Variants in PELI2 observed in about 807,000 individuals in gnomAD.
PELI2 encodes E3 ubiquitin-protein ligase pellino homolog 2.
In PELI2, 23 loss-of-function variants were observed where a neutral mutation model predicts 42.3. That is an observed-to-expected ratio of 0.54 (90% CI 0.39 to 0.77). The LOEUF is 0.77. Among genes scored for constraint, PELI2 ranks in the 30% least tolerant of loss-of-function variants. PELI2 has a pLI of 0.00. For synonymous variants in PELI2, 245 were observed against 212.2 expected, an observed-to-expected ratio of 1.15 and a Z score of -1.34; for missense variants, 463 against 553.2, an observed-to-expected ratio of 0.84 and a Z score of 1.64.
At chr14:56,150,893 C>G (rs1018362763) in intron 1 of PELI2, among the ~76,000 whole-genome samples, 1 of 152,108 alleles carries the variant, frequency 6.6e-6, no homozygotes, top group Non-Finnish European at 1.5e-5. Flanking sequence ...AGTGGCTGGA[C>G]CAGGTGATGC....
intron 2 of PELI2, among the ~76,000 whole-genome samples, chr14:56,270,868 A>T (rs3430): frequency 6.6e-6 from 1 of 152,302 alleles, no homozygotes; most frequent in East Asian, 1.9e-4. Context: ...TCAGCATCAG[A>T]GTCCACTAGC....
intron 2 of PELI2, among the ~76,000 whole-genome samples, chr14:56,239,243 T>A (rs1887894532): frequency 6.6e-6 from 1 of 152,154 alleles, no homozygotes; most frequent in Non-Finnish European, 1.5e-5. Context: ...CCTTTGTGAG[T>A]TTTAAATAGT....
intron 2 of PELI2, among the ~76,000 whole-genome samples, chr14:56,255,175 A>G (rs1456697651): frequency 6.6e-6 from 1 of 152,244 alleles, no homozygotes; most frequent in Non-Finnish European, 1.5e-5. Context: ...TACTATAAAG[A>G]CACATGCACA....
intron 1 of PELI2, among the ~76,000 whole-genome samples, chr14:56,126,321 CAG>C (rs905481463): frequency 1.1e-4 from 17 of 152,188 alleles, no homozygotes; most frequent in Admixed American, 3.9e-4. Flanking sequence ...AAATATGCAT[CAG>C]GGGGCATTTT....
At chr14:56,182,959 G>A (rs753224964) in intron 2 of PELI2, among the ~76,000 whole-genome samples, 4 of 152,102 alleles carry the variant, frequency 2.6e-5, no homozygotes, top group Non-Finnish European at 4.4e-5. Context: ...TGGAGCTGGG[G>A]CCTCGGTGCT....
intron 1 of PELI2, among the ~76,000 whole-genome samples, chr14:56,152,571 T>C (rs1434464845): frequency 6.6e-6 from 1 of 152,174 alleles, no homozygotes; most frequent in Non-Finnish European, 1.5e-5. Context: ...CCAGGAACTT[T>C]TAAGCTCTAA....
intron 2 of PELI2, among the ~76,000 whole-genome samples, chr14:56,236,168 A>T (rs1055674529): frequency 6.6e-6 from 1 of 152,230 alleles, no homozygotes; most frequent in Non-Finnish European, 1.5e-5. Context: ...TAAATTGACC[A>T]CTTTTAATTA....
intron 2 of PELI2, among the ~76,000 whole-genome samples, chr14:56,263,977 T>C (rs1199710375): frequency 6.6e-6 from 1 of 152,198 alleles, no homozygotes; most frequent in Non-Finnish European, 1.5e-5. Flanking sequence ...TAAAACACAG[T>C]TGATGCTCAT....
intron 1 of PELI2, among the ~76,000 whole-genome samples, chr14:56,124,595 A>G (rs1271704446): frequency 6.6e-6 from 1 of 152,222 alleles, no homozygotes; most frequent in South Asian, 2.1e-4. Context: ...AGCATCTGCC[A>G]CTTGTCAGAT....
chr14:56,216,272 T>A (rs1886902861), intron 2 of PELI2, among the ~76,000 whole-genome samples: 1 of 152,236 alleles, frequency 6.6e-6, no homozygotes, highest in African/African-American at 2.4e-5. Flanking sequence ...TGTGTGATTG[T>A]AGTGTTATTT....
chr14:56,234,205 G>T (rs529619503), intron 2 of PELI2, among the ~76,000 whole-genome samples: 2 of 152,270 alleles, frequency 1.3e-5, no homozygotes, highest in African/African-American at 4.8e-5. Context: ...ATTCCTCAAG[G>T]ATCTAGAACT....
chr14:56,168,785 C>G (rs1885062310), intron 1 of PELI2, among the ~76,000 whole-genome samples: 1 of 152,110 alleles, frequency 6.6e-6, no homozygotes, highest in African/African-American at 2.4e-5. Flanking sequence ...TGCTGAGTCT[C>G]AACAGAAGCC....
At chr14:56,231,521 C>A (rs949085467) in intron 2 of PELI2, among the ~76,000 whole-genome samples, 59 of 152,198 alleles carry the variant, frequency 3.9e-4, no homozygotes, top group Admixed American at 1.8e-3. Context: ...GGGTACATAA[C>A]GAAATGAAGG....
At chr14:56,202,502 T>TG (rs34740620) in intron 2 of PELI2, among the ~76,000 whole-genome samples, 61,940 of 151,658 alleles carry the variant, frequency 0.41, 13,176 homozygotes, top group South Asian at 0.53. Context: ...TCGCTACACT[T>TG]GAGCCTGCTC....
chr14:56,258,951 A>C (rs879882017), intron 2 of PELI2, among the ~76,000 whole-genome samples: 10 of 152,090 alleles, frequency 6.6e-5, no homozygotes, highest in Non-Finnish European at 1.3e-4. Flanking sequence ...GAAAATCTCA[A>C]AATCATCCAA....
intron 2 of PELI2, among the ~76,000 whole-genome samples, chr14:56,229,406 G>A (rs1356131239): frequency 2.0e-5 from 3 of 152,206 alleles, no homozygotes; most frequent in Non-Finnish European, 4.4e-5. Context: ...CCAGAGGAAG[G>A]ATCAGGCAGC....
At chr14:56,145,868 C>G (rs1038523327) in intron 1 of PELI2, among the ~76,000 whole-genome samples, 1 of 152,188 alleles carries the variant, frequency 6.6e-6, no homozygotes. Flanking sequence ...TGTTGACTTA[C>G]ATTACTTTTG....
intron 1 of PELI2, among the ~76,000 whole-genome samples, chr14:56,171,475 G>A (rs1232509943): frequency 6.6e-6 from 1 of 152,124 alleles, no homozygotes; most frequent in Non-Finnish European, 1.5e-5. Flanking sequence ...TGAGTCTCAG[G>A]TATTCTGTTA....
Position 56,242,953 on chromosome 14 carries a change from G to A in PELI2, c.208-36723G>A, listed in dbSNP as rs186605677. Reference sequence around the variant, plus strand: ...CACAATCCCAGAAATTACCACTAAAGAGCTTTCCATGTAACCAAACACCAC... The same window carrying A: ...CACAATCCCAGAAATTACCACTAAAAAGCTTTCCATGTAACCAAACACCAC... On this transcript the variant is annotated intron_variant, in intron 2 of 5. Coordinates refer to ENST00000267460, the MANE Select transcript of PELI2 (RefSeq NM_021255.3). Among the ~76,000 whole-genome samples the A allele has an allele frequency of 5.0e-3, 760 of 152,264 alleles. 1 individual carries two copies. The highest frequency in any genetic ancestry group is 6.8e-3 in the Non-Finnish European group (464 of 68,020).
Sources: gnomAD v4.1 joint callset for allele counts (sites outside exome capture counted in the v4.1 genomes callset) on GRCh38, gnomAD v4.1.1 for gene constraint, MANE v1.5 for transcripts, NCBI Gene and HGNC (gene_info 2026-07-23, HGNC 2026-07-21) for gene names.